TSGA10: variants seen among roughly 807,000 people sequenced by gnomAD.
The protein encoded by TSGA10 is testis specific 10.
TSGA10 carries 43 observed loss-of-function variants against 96.6 expected under a neutral mutation model. The observed-to-expected ratio is 0.44, with a 90% confidence interval of 0.35 to 0.57. The LOEUF (loss-of-function observed/expected upper bound fraction) is 0.57, where lower values mean the gene tolerates loss of function less well. Ranked by LOEUF, TSGA10 falls within the 20% of genes least tolerant of loss-of-function variation. TSGA10 has a pLI of 0.01. For missense variants in TSGA10, 703 were observed against 834.4 expected (o/e 0.84, Z 1.94); for synonymous variants, 229 against 269.9 (o/e 0.85, Z 1.48).
chr2:99,043,690 A>G (rs954288676), intron 16 of TSGA10, among the ~76,000 whole-genome samples: 1 of 152,216 alleles, frequency 6.6e-6, no homozygotes, highest in African/African-American at 2.4e-5. Context: ...CTGGCTTCTA[A>G]GCAGAAACAA....
At chr2:99,084,307 C>T (rs1458957184) in intron 10 of TSGA10, among the ~76,000 whole-genome samples, 3 of 152,130 alleles carry the variant, frequency 2.0e-5, no homozygotes, top group African/African-American at 7.2e-5. Context: ...GGAAGTGGGG[C>T]CTGGGGAAGA....
At chr2:99,130,735 C>T (rs1366221734) in intron 1 of TSGA10, among the ~76,000 whole-genome samples, 1 of 152,096 alleles carries the variant, frequency 6.6e-6, no homozygotes, top group African/African-American at 2.4e-5. Context: ...AGGTTTTCTT[C>T]TAGAGTTGTT....
chr2:99,036,664 A>C (rs1310621528), intron 16 of TSGA10, among the ~76,000 whole-genome samples: 1 of 152,200 alleles, frequency 6.6e-6, no homozygotes, highest in Non-Finnish European at 1.5e-5. Flanking sequence ...GGAAATATTA[A>C]TCCAACTATA....
At chr2:99,022,090 C>T (rs2080078073) in intron 17 of TSGA10, among the ~76,000 whole-genome samples, 2 of 151,914 alleles carry the variant, frequency 1.3e-5, no homozygotes, top group South Asian at 4.2e-4. Context: ...CTCTGGGAGG[C>T]CAAGGTAGGT....
intron 10 of TSGA10, among the ~76,000 whole-genome samples, chr2:99,099,295 A>G (rs1466373396): frequency 6.6e-6 from 1 of 152,212 alleles, no homozygotes; most frequent in Non-Finnish European, 1.5e-5. Context: ...CTGGGCAACA[A>G]GAGTGAAACT....
intron 1 of TSGA10, among the ~76,000 whole-genome samples, chr2:99,153,951 C>T (rs1437871396): frequency 1.3e-5 from 2 of 152,174 alleles, no homozygotes; most frequent in Admixed American, 1.3e-4. Context: ...AAAAAGGTGA[C>T]CACAAATTCT....
At chr2:99,082,395 G>C (rs1261771543) in intron 10 of TSGA10, among the ~76,000 whole-genome samples, 1 of 152,038 alleles carries the variant, frequency 6.6e-6, no homozygotes, top group South Asian at 2.1e-4. Flanking sequence ...CCTAAACTAA[G>C]GTATAAAGTT....
At chr2:99,144,107 G>C (rs1481247630) in intron 1 of TSGA10, among the ~76,000 whole-genome samples, 1 of 152,030 alleles carries the variant, frequency 6.6e-6, no homozygotes, top group Non-Finnish European at 1.5e-5. Context: ...TGGAAGCTCT[G>C]CCTCGCGGCT....
chr2:99,085,336 G>A (rs2088135335), intron 10 of TSGA10, among the ~76,000 whole-genome samples: 1 of 152,000 alleles, frequency 6.6e-6, no homozygotes, highest in African/African-American at 2.4e-5. Flanking sequence ...CAGGCATGAT[G>A]GCTCATGTCT....
At chr2:99,018,767 C>A in intron 18 of TSGA10, 127 bp from the exon 19 acceptor site, 4 of 753,190 alleles carry the variant, frequency 5.3e-6, no homozygotes, top group Non-Finnish European at 6.2e-6. Flanking sequence ...TTTTTATGGC[C>A]AGATTTATTA....
Position 99,127,173 on chromosome 2 carries a change from T to C in TSGA10, c.-617A>G. ...AGACCAAAATCATATTCTTTGGTGG[T>C]AACCTAGTACAAAGAATGGGAAATA... is the stretch of plus-strand genomic sequence containing the variant. On this transcript the variant is annotated 5_prime_UTR_variant, in exon 2 of 21. Coordinates refer to ENST00000393483, the MANE Select transcript of TSGA10 (RefSeq NM_025244.4). The C allele has an allele frequency of 7.8e-7, 1 of 1,284,562 alleles. No homozygotes were observed. The highest frequency in any genetic ancestry group is 1.0e-6 in the Non-Finnish European group (1 of 987,394). 79.6% of individuals were successfully genotyped at this position (1,284,562 alleles called of 1,614,324 possible).
chr2:99,149,310 A>G (rs1309477343), intron 1 of TSGA10, among the ~76,000 whole-genome samples: 1 of 152,000 alleles, frequency 6.6e-6, no homozygotes, highest in Non-Finnish European at 1.5e-5. Flanking sequence ...TCTGTACAGG[A>G]AGCCTGTCCC....
At chr2:99,024,215 A>T (rs2080327587) in intron 17 of TSGA10, among the ~76,000 whole-genome samples, 1 of 151,784 alleles carries the variant, frequency 6.6e-6, no homozygotes, top group Admixed American at 6.6e-5. Context: ...TCGGCCTCCC[A>T]AGTAGCTGGG....
chr2:99,096,736 A>G (rs1330707784), intron 10 of TSGA10, among the ~76,000 whole-genome samples: 4 of 152,224 alleles, frequency 2.6e-5, no homozygotes, highest in Non-Finnish European at 5.9e-5. Flanking sequence ...AGACTTTGCT[A>G]TCTAAGCATA....
chr2:99,058,006 A>G lies in TSGA10; in HGVS notation c.1404+6933T>C, dbSNP rs1263610001. On this transcript the variant is annotated intron_variant, in intron 16 of 20. Transcript: ENST00000393483. Reference sequence around the variant, plus strand: ...ACCATTCAAATGGTGGGGGGAGGGGAGAAATAGTCTTTTCAACAAATGTTA... The same window carrying G: ...ACCATTCAAATGGTGGGGGGAGGGGGGAAATAGTCTTTTCAACAAATGTTA... Among the ~76,000 whole-genome samples the G allele has an allele frequency of 2.0e-5, 3 of 152,190 alleles. No homozygotes were observed. The East Asian group carries it at 5.8e-4, about 29-fold the overall frequency.
Position 99,151,107 on chromosome 2 carries a change from G to A in TSGA10, c.-621+3586C>T, listed in dbSNP as rs923198051. ...TAAAAACCAGAGTTTTTAAGTAACA[G>A]TATTTGAATGGCATCAAAACATTTT... is the stretch of plus-strand genomic sequence containing the variant. On this transcript the variant is annotated intron_variant, in intron 1 of 20. Transcript: ENST00000393483. 23 of 266,898 alleles carry A rather than the reference G, an allele frequency of 8.6e-5. No homozygotes were observed. The East Asian group carries it at 1.2e-3, about 14-fold the overall frequency. 16.5% of individuals were successfully genotyped at this position (266,898 alleles called of 1,614,324 possible).
intron 16 of TSGA10, among the ~76,000 whole-genome samples, chr2:99,035,933 C>T (rs1249377309): frequency 6.6e-6 from 1 of 152,060 alleles, no homozygotes; most frequent in Non-Finnish European, 1.5e-5. Context: ...TTAACACTTA[C>T]TAATACCTCT....
rs1039356552 is a variant in TSGA10 at position 99,102,506 on chromosome 2, G to C, written c.611+1461C>G. On this transcript the variant is annotated intron_variant, in intron 10 of 20. Coordinates refer to ENST00000393483, the MANE Select transcript of TSGA10 (RefSeq NM_025244.4). The stretch of plus-strand genomic sequence containing the variant: ...TTTTTGCCATTCAGAAATGTGACCC[G>C]GCTCCATTTTACTTGTTTGATGAGA... 32 of 1,613,876 alleles carry C rather than the reference G, an allele frequency of 2.0e-5. No individual in the cohort carries two copies. In the African/African-American group the frequency reaches 3.7e-4, roughly 19 times the overall value.
At chr2:99,073,141 C>T in intron 12 of TSGA10, 68 bp from the exon 13 acceptor site, 2 of 1,095,432 alleles carry the variant, frequency 1.8e-6, no homozygotes, top group Admixed American at 2.2e-5. Flanking sequence ...ATTGAATGAA[C>T]AAAAAGAAAA....
Sources: gnomAD v4.1 joint callset for allele counts (sites outside exome capture counted in the v4.1 genomes callset) on GRCh38, gnomAD v4.1.1 for gene constraint, MANE v1.5 for transcripts, NCBI Gene and HGNC (gene_info 2026-07-23, HGNC 2026-07-21) for gene names.